The following PDE4B variants were observed in gnomAD, a reference collection of about 807,000 sequenced individuals.
PDE4B encodes 3',5'-cyclic-AMP phosphodiesterase 4B.
A neutral mutation model predicts 82.2 loss-of-function variants in PDE4B; 20 were observed. The observed-to-expected ratio is 0.24, with a 90% CI of 0.17 to 0.35. PDE4B has a LOEUF of 0.35. Among genes scored for constraint, PDE4B ranks in the 10% least tolerant of loss-of-function variants. PDE4B has a pLI of 1.00. For missense variants in PDE4B, 655 were observed against 907.2 expected, an observed-to-expected ratio of 0.72 and a Z score of 3.57; for synonymous variants, 320 against 318.9, an observed-to-expected ratio of 1.00 and a Z score of -0.04.
Position 65,836,523 on chromosome 1 carries a change from G to C in PDE4B, c.-71+43275G>C, listed in dbSNP as rs534455053. 6.6e-5 allele frequency among the ~76,000 whole-genome samples: 10 copies of C among 152,292 alleles called. No individual in the cohort carries two copies. The East Asian group carries it at 1.5e-3, about 24-fold the overall frequency. On this transcript the variant is annotated intron_variant, in intron 1 of 16. Transcript: ENST00000341517. The stretch of plus-strand genomic sequence containing the variant: ...TTCATTTTCCTCAGGTGTAAGTGAA[G>C]TGGCTGAACCAGGTAAACACCGGGG...
chr1:65,962,100 A>G (rs1411403802), intron 3 of PDE4B, among the ~76,000 whole-genome samples: 1 of 152,198 alleles, frequency 6.6e-6, no homozygotes, highest in African/African-American at 2.4e-5. Context: ...TAGAACATTT[A>G]CTTTAGCCTA....
chr1:66,125,739 T>G (rs542764457), intron 3 of PDE4B, among the ~76,000 whole-genome samples: 2 of 152,342 alleles, frequency 1.3e-5, no homozygotes, highest in South Asian at 4.1e-4. Flanking sequence ...ATTCACCCAT[T>G]CATCCACCCA....
chr1:66,030,818 A>T (rs910039202), intron 3 of PDE4B, among the ~76,000 whole-genome samples: 2 of 152,208 alleles, frequency 1.3e-5, no homozygotes, highest in African/African-American at 4.8e-5. Context: ...GCCAACATGG[A>T]TTCAGCTGGA....
At chr1:66,207,055 C>G (rs151209542) in intron 3 of PDE4B, among the ~76,000 whole-genome samples, 64 of 152,258 alleles carry the variant, frequency 4.2e-4, no homozygotes, top group African/African-American at 1.5e-3. Flanking sequence ...TACTACATTT[C>G]CCCTGTAAAT....
intron 3 of PDE4B, among the ~76,000 whole-genome samples, chr1:66,241,592 G>A (rs965374684): frequency 2.0e-5 from 3 of 151,696 alleles, no homozygotes; most frequent in Non-Finnish European, 4.4e-5. Flanking sequence ...TGCAATCTCC[G>A]CCTTCCAGAT....
chr1:65,927,445 T>A (rs1472849802), intron 3 of PDE4B, among the ~76,000 whole-genome samples: 1 of 146,416 alleles, frequency 6.8e-6, no homozygotes, highest in Non-Finnish European at 1.5e-5. Flanking sequence ...TATGTAAATA[T>A]ATATAATATG....
chr1:66,349,304 G>T (rs1661649470), intron 8 of PDE4B, among the ~76,000 whole-genome samples: 1 of 152,132 alleles, frequency 6.6e-6, no homozygotes. Flanking sequence ...TTTTGATGCA[G>T]AATAATGGTA....
At chr1:66,139,707 G>A (rs1447091439) in intron 3 of PDE4B, among the ~76,000 whole-genome samples, 1 of 131,468 alleles carries the variant, frequency 7.6e-6, no homozygotes, top group African/African-American at 3.0e-5. Context: ...ACTCAGAATA[G>A]CCACTTAAAT....
chr1:66,106,495 A>T (rs1407832181), intron 3 of PDE4B, among the ~76,000 whole-genome samples: 1 of 151,396 alleles, frequency 6.6e-6, no homozygotes, highest in East Asian at 1.9e-4. Flanking sequence ...ACTGATTTGA[A>T]TAGTTTCAGA....
At chr1:66,129,689 C>CAAAAAAA (rs1476893263) in intron 3 of PDE4B, among the ~76,000 whole-genome samples, 5 of 85,948 alleles carry the variant, frequency 5.8e-5, no homozygotes, top group African/African-American at 1.5e-4. Context: ...AACAAAAAAA[C>CAAAAAAA]AAAAAAACAA....
At chr1:65,894,382 T>G (rs972681814) in intron 1 of PDE4B, among the ~76,000 whole-genome samples, 3 of 152,072 alleles carry the variant, frequency 2.0e-5, no homozygotes, top group African/African-American at 7.2e-5. Context: ...ATAAAAAAAT[T>G]AACTCAAAAT....
chr1:66,320,094 G>A (rs1342129078), intron 7 of PDE4B, among the ~76,000 whole-genome samples: 2 of 152,100 alleles, frequency 1.3e-5, no homozygotes, highest in South Asian at 2.1e-4. Context: ...TCTTAATGCT[G>A]TCCATTGCCT....
At chr1:66,104,783 G>T (rs1398726191) in intron 3 of PDE4B, among the ~76,000 whole-genome samples, 2 of 149,944 alleles carry the variant, frequency 1.3e-5, no homozygotes, top group Non-Finnish European at 3.0e-5. Flanking sequence ...TTTTGATGGG[G>T]TTGTTTGTTT....
Position 66,372,724 on chromosome 1 carries a change from G to GC in PDE4B, c.*48dup, listed in dbSNP as rs536434010. Reference sequence around the variant, plus strand: ...TGAACATTCTATCCTTGATGAGCATGCCAGCTATGTGGTAGGGCCAGCCCA... The same window carrying GC: ...TGAACATTCTATCCTTGATGAGCATGCCCAGCTATGTGGTAGGGCCAGCCCA... On this transcript the variant is annotated 3_prime_UTR_variant, in exon 17 of 17. Transcript: ENST00000341517. 303 of 1,569,818 alleles carry GC rather than the reference G, an allele frequency of 1.9e-4. 5 individuals are homozygous for GC. The South Asian group carries it at 3.5e-3, about 18-fold the overall frequency.
At chr1:66,347,086 T>C (rs992805369) in intron 8 of PDE4B, among the ~76,000 whole-genome samples, 1 of 152,164 alleles carries the variant, frequency 6.6e-6, no homozygotes, top group Non-Finnish European at 1.5e-5. Flanking sequence ...TGTTATGACG[T>C]TGGGTTAGCT....
At chr1:65,941,265 G>T (rs1159274509) in intron 3 of PDE4B, among the ~76,000 whole-genome samples, 1 of 152,032 alleles carries the variant, frequency 6.6e-6, no homozygotes, top group African/African-American at 2.4e-5. Context: ...AGAGCCCCAA[G>T]ATTAGGATCA....
At chr1:65,965,854 A>G (rs1649791388) in intron 3 of PDE4B, among the ~76,000 whole-genome samples, 1 of 152,156 alleles carries the variant, frequency 6.6e-6, no homozygotes, top group South Asian at 2.1e-4. Context: ...ACACCCCTTC[A>G]TGCTAAAAGC....
At chr1:65,826,314 G>T (rs1263097459) in intron 1 of PDE4B, among the ~76,000 whole-genome samples, 2 of 151,986 alleles carry the variant, frequency 1.3e-5, no homozygotes, top group Non-Finnish European at 2.9e-5. Flanking sequence ...TTTTATTCTA[G>T]GGAAGAAGTT....
intron 1 of PDE4B, among the ~76,000 whole-genome samples, chr1:65,796,232 G>A (rs931887890): frequency 5.3e-5 from 8 of 152,184 alleles, no homozygotes; most frequent in Admixed American, 3.3e-4. Context: ...GGGATTTGAT[G>A]AAGTTTTTAA....
Sources: allele counts gnomAD v4.1 joint callset (sites outside exome capture counted in the v4.1 genomes callset), GRCh38; gene constraint gnomAD v4.1.1; transcripts MANE v1.5; gene names NCBI Gene and HGNC (gene_info 2026-07-23, HGNC 2026-07-21).